Variants in XG observed in about 807,000 individuals in gnomAD.
The protein encoded by XG is glycoprotein Xg.
Under a neutral mutation model 25.7 loss-of-function variants are expected in XG, and 24 were observed. The observed-to-expected ratio is 0.93, with a 90% CI of 0.68 to 1.31. The LOEUF is 1.31. Ranked by LOEUF, XG falls within the 40% of genes most tolerant of loss-of-function variation. The pLI, the probability that XG is intolerant of heterozygous loss-of-function variation, is 0.00. For missense variants in XG, 181 were observed against 187.6 expected, an observed-to-expected ratio of 0.96 and a Z score of 0.21; for synonymous variants, 77 against 69.2, an observed-to-expected ratio of 1.11 and a Z score of -0.56.
At chrX:2,765,376 G>GGGAGGGAAGGAAGGAAGGAAGGAAGGAA (rs1328694787) in intron 1 of XG, among the ~76,000 whole-genome samples, 1 of 144,024 alleles carries the variant, frequency 6.9e-6, no homozygotes, top group African/African-American at 2.6e-5. Context: ...GAGGGAGGGA[G>GGGAGGGAAGGAAGGAAGGAAGGAAGGAA]GGAAGGAAGG....
At chrX:2,780,054 A>G (rs2051085028) in intron 3 of XG, among the ~76,000 whole-genome samples, 2 of 152,148 alleles carry the variant, frequency 1.3e-5, no homozygotes, top group Non-Finnish European at 2.9e-5. Context: ...ATTACTTTTT[A>G]TTGGATTGCT....
chrX:2,753,368 C>A (rs975548010), intron 1 of XG, among the ~76,000 whole-genome samples: 1 of 152,192 alleles, frequency 6.6e-6, no homozygotes, highest in Non-Finnish European at 1.5e-5. Context: ...CAGAAAAGTA[C>A]TTCCAGGAGT....
intron 5 of XG, among the ~76,000 whole-genome samples, chrX:2,790,712 A>G (rs189628143): frequency 1.4e-3 from 158 of 111,505 alleles, no homozygotes; most frequent in African/African-American, 4.9e-3. Context: ...AGGCAGGAGA[A>G]TCGCTTGAAC....
chrX:2,801,518 A>T (rs1286313257), intron 7 of XG, among the ~76,000 whole-genome samples: 1 of 109,884 alleles, frequency 9.1e-6, no homozygotes, highest in Non-Finnish European at 1.9e-5. Context: ...CCCCACCCTA[A>T]TTTTGTTATG....
In XG at chrX:2,774,744, G is replaced by C. The variant is rs1261941013; in HGVS notation, c.127+5G>C. ...CCACCAAGAAGCCAAACTCAGGTGAGTGTCTCTTCAGCTGGGAAAAACTGA... is the reference window on the plus strand; with the variant it reads ...CCACCAAGAAGCCAAACTCAGGTGACTGTCTCTTCAGCTGGGAAAAACTGA... On this transcript the variant is annotated splice_donor_5th_base_variant and intron_variant, in intron 3 of 10. Transcript: ENST00000644266. 2.5e-6 allele frequency: 4 copies of C among 1,613,740 alleles called. No individual in the cohort carries two copies. Among genetic ancestry groups the C allele is most frequent in the Non-Finnish European group, 3.4e-6 (4 of 1,179,862 alleles).
At position 2,778,551 on chromosome X, in the gene XG, GAAAAA is replaced by G. The variant is rs765835899; in HGVS notation, c.128-3510_128-3506del. Among the ~76,000 whole-genome samples, 35 of 150,142 alleles carry G rather than the reference GAAAAA, an allele frequency of 2.3e-4. 1 individual carries two copies. In the East Asian group the frequency reaches 5.7e-3, roughly 24 times the overall value. On this transcript the variant is annotated intron_variant, in intron 3 of 10. Coordinates refer to ENST00000644266, the MANE Select transcript of XG (RefSeq NM_001141919.2). ...AGCAAGACCCTGTCTCAAAAGAAAA[GAAAAA>G]AAAAGAAGAAAGAAATGAAAACCGT...
chrX:2,776,261 CT>C (rs2050988055), intron 3 of XG, among the ~76,000 whole-genome samples: 1 of 152,004 alleles, frequency 6.6e-6, no homozygotes, highest in Non-Finnish European at 1.5e-5. Flanking sequence ...AAGGGGAGGG[CT>C]GGGGGTCTAG....
At position 2,791,461 on chromosome X, in the gene XG, G is replaced by A. The variant is rs927414965; in HGVS notation, c.253+1755G>A. On this transcript the variant is annotated intron_variant, in intron 5 of 10. Coordinates refer to ENST00000644266, the MANE Select transcript of XG (RefSeq NM_001141919.2). ...TTTTCCCTTGGGTCTTGCAACTGAAGAATTGTGTTTCTTCCCTAGAAAAAC... is the reference window on the plus strand; with the variant it reads ...TTTTCCCTTGGGTCTTGCAACTGAAAAATTGTGTTTCTTCCCTAGAAAAAC... 5.3e-4 allele frequency among the ~76,000 whole-genome samples: 59 copies of A among 110,377 alleles called. 1 individual carries two copies. The highest frequency in any genetic ancestry group is 1.9e-3 in the African/African-American group (59 of 30,351).
chrX:2,788,342 G>A (rs1194950253), intron 4 of XG, among the ~76,000 whole-genome samples: 1 of 112,467 alleles, frequency 8.9e-6, no homozygotes, highest in Non-Finnish European at 1.9e-5. Context: ...CGACAAAAAG[G>A]TGCTGAAGAT....
At chrX:2,773,267 TGA>T (rs1044621209) in intron 2 of XG, among the ~76,000 whole-genome samples, 4 of 110,868 alleles carry the variant, frequency 3.6e-5, no homozygotes, top group African/African-American at 1.4e-4. Flanking sequence ...AAGAAAAGAC[TGA>T]GGGGAGGAAG....
intron 1 of XG, among the ~76,000 whole-genome samples, chrX:2,766,092 G>C (rs1415254753): frequency 3.3e-5 from 5 of 152,222 alleles, no homozygotes; most frequent in South Asian, 2.1e-4. Context: ...CTAATGGCCT[G>C]AGTGGGGAAA....
chrX:2,807,347 C>T (rs183620763), intron 8 of XG, among the ~76,000 whole-genome samples: 9 of 112,916 alleles, frequency 8.0e-5, no homozygotes, highest in African/African-American at 2.2e-4. Context: ...TGGGTGTGCT[C>T]GTGTGGTATG....
intron 6 of XG, among the ~76,000 whole-genome samples, chrX:2,795,242 A>ATT (rs2086873661): frequency 9.4e-6 from 1 of 106,880 alleles, no homozygotes; most frequent in Non-Finnish European, 1.9e-5. Context: ...ATATTTATGT[A>ATT]TATGTATATC....
intron 7 of XG, among the ~76,000 whole-genome samples, chrX:2,801,820 T>C (rs1212833199): frequency 6.3e-5 from 7 of 111,227 alleles, no homozygotes; most frequent in Non-Finnish European, 7.6e-5. Context: ...GCCATTCTCC[T>C]GCCTCAGCCT....
At chrX:2,775,726 T>G (rs2050965768) in intron 3 of XG, among the ~76,000 whole-genome samples, 1 of 149,998 alleles carries the variant, frequency 6.7e-6, no homozygotes, top group Admixed American at 6.6e-5. Flanking sequence ...AAGGCCGAGG[T>G]GGGCAGATCA....
intron 1 of XG, among the ~76,000 whole-genome samples, chrX:2,753,466 A>G (rs979602430): frequency 2.6e-5 from 4 of 152,222 alleles, no homozygotes; most frequent in Non-Finnish European, 5.9e-5. Flanking sequence ...ACAGTTCCCA[A>G]CTTACCATGG....
At position 2,752,101 on chromosome X, in the gene XG, G is replaced by A. The variant is rs2050341845; in HGVS notation, c.-174G>A. 1.9e-6 allele frequency: 2 copies of A among 1,060,918 alleles called. No individual in the cohort carries two copies. The highest frequency in any genetic ancestry group is 2.7e-6 in the Non-Finnish European group (2 of 737,958). 65.7% of individuals were successfully genotyped at this position (1,060,918 alleles called of 1,614,324 possible). A position where few individuals can be genotyped will look rare whatever the true frequency, so the allele number is the denominator to read the frequency against. ...TTCAGCTGTGGAGTTTGGGATCTGAGCTTGGAGCCCATTTGTTTCTGGCAG... is the reference window on the plus strand; with the variant it reads ...TTCAGCTGTGGAGTTTGGGATCTGAACTTGGAGCCCATTTGTTTCTGGCAG... On this transcript the variant is annotated 5_prime_UTR_variant, in exon 1 of 11. Transcript: ENST00000644266.
chrX:2,801,699 C>CTTTATTT (rs752923639), intron 7 of XG, among the ~76,000 whole-genome samples: 12 of 109,619 alleles, frequency 1.1e-4, no homozygotes, highest in Non-Finnish European at 2.1e-4. Context: ...TGCAGCTCAA[C>CTTTATTT]TTTATTTTTT....
chrX:2,757,720 C>T (rs1160118753), intron 1 of XG, among the ~76,000 whole-genome samples: 1 of 151,578 alleles, frequency 6.6e-6, no homozygotes, highest in South Asian at 2.1e-4. Context: ...GTTTGTAATC[C>T]CAGCAGTTTG....
Sources: allele counts gnomAD v4.1 joint callset (sites outside exome capture counted in the v4.1 genomes callset), GRCh38; gene constraint gnomAD v4.1.1; transcripts MANE v1.5; gene names NCBI Gene and HGNC (gene_info 2026-07-23, HGNC 2026-07-21).